Variants in WWOX observed in about 807,000 individuals in gnomAD.
WWOX encodes WW domain-containing oxidoreductase.
A neutral mutation model predicts 46.2 loss-of-function variants in WWOX; 69 were observed. That is an observed-to-expected ratio of 1.49 (90% CI 1.23 to 1.82). WWOX has a LOEUF of 1.82. WWOX is among the 40% of genes most tolerant of loss of function. WWOX has a pLI of 0.00. For synonymous variants in WWOX, 359 were observed against 202.6 expected, an observed-to-expected ratio of 1.77 and a Z score of -6.56; for missense variants, 919 against 542.6, an observed-to-expected ratio of 1.69 and a Z score of -6.89.
intron 8 of WWOX, among the ~76,000 whole-genome samples, chr16:78,679,902 A>T (rs1189662933): frequency 6.6e-6 from 1 of 152,140 alleles, no homozygotes; most frequent in South Asian, 2.1e-4. Context: ...AGCTTCCCAG[A>T]CACTCCGTAA....
chr16:78,774,496 T>TGTGTGTGTGTG (rs2050139676), intron 8 of WWOX, among the ~76,000 whole-genome samples: 10 of 149,412 alleles, frequency 6.7e-5, no homozygotes. Context: ...CAGACCCATT[T>TGTGTGTGTGTG]TGTGTGTGTG....
intron 8 of WWOX, among the ~76,000 whole-genome samples, chr16:78,704,923 T>TG (rs2048300086): frequency 6.6e-6 from 1 of 150,910 alleles, no homozygotes; most frequent in Admixed American, 6.6e-5. Context: ...ACAACTTGTT[T>TG]TTTTTTTTTT....
Position 78,335,556 on chromosome 16 carries a change from C to G in WWOX, c.517-51304C>G, listed in dbSNP as rs529681335. On this transcript the variant is annotated intron_variant, in intron 5 of 8. Transcript: ENST00000566780. ...CATTTGGAGTGATTCCGTGTCCTTG[C>G]TATTGTGAAATACCATTTGACCCAG... 3.3e-5 allele frequency among the ~76,000 whole-genome samples: 5 copies of G among 152,212 alleles called. No homozygotes were observed. In the East Asian group the frequency reaches 9.7e-4, roughly 29 times the overall value.
At chr16:78,562,199 C>T (rs752691745) in intron 8 of WWOX, among the ~76,000 whole-genome samples, 9 of 152,150 alleles carry the variant, frequency 5.9e-5, no homozygotes, top group Non-Finnish European at 1.2e-4. Flanking sequence ...TGGTGGAGTG[C>T]CTTTTGGGCA....
intron 8 of WWOX, among the ~76,000 whole-genome samples, chr16:78,963,400 T>C (rs758490509): frequency 1.6e-4 from 24 of 152,034 alleles, no homozygotes; most frequent in African/African-American, 5.1e-4. Context: ...GTACAGGAGA[T>C]TGAAGCTGCA....
At position 78,894,899 on chromosome 16, in the gene WWOX, A is replaced by T. The variant is rs140374966; in HGVS notation, c.1057-316709A>T. 5.1e-3 allele frequency among the ~76,000 whole-genome samples: 776 copies of T among 152,272 alleles called. 10 individuals are homozygous for T. Among genetic ancestry groups the T allele is most frequent in the African/African-American group, 0.018 (746 of 41,554 alleles). On this transcript the variant is annotated intron_variant, in intron 8 of 8. Transcript: ENST00000566780. ...CATAACTCAGTTCTCGGAATTTTCA[A>T]TCAGAAATTATCTGATGACGGGACT...
At chr16:78,733,454 C>G (rs1165685758) in intron 8 of WWOX, among the ~76,000 whole-genome samples, 1 of 151,728 alleles carries the variant, frequency 6.6e-6, no homozygotes, top group East Asian at 1.9e-4. Flanking sequence ...GACCTTGTCT[C>G]AAAAAATAAC....
At chr16:78,123,926 C>G (rs1387802648) in intron 4 of WWOX, 1 of 152,222 alleles carries the variant, frequency 6.6e-6, no homozygotes, top group East Asian at 1.9e-4. Context: ...TAAGAGGGAT[C>G]ATATTAAACC....
chr16:78,880,500 G>T (rs953593292), intron 8 of WWOX, among the ~76,000 whole-genome samples: 13 of 152,184 alleles, frequency 8.5e-5, no homozygotes, highest in Middle Eastern at 3.2e-3. Context: ...GAAATAATTA[G>T]TCAAGCACTA....
At chr16:78,518,524 A>C (rs1253934649) in intron 8 of WWOX, among the ~76,000 whole-genome samples, 2 of 152,336 alleles carry the variant, frequency 1.3e-5, no homozygotes, top group South Asian at 4.1e-4. Flanking sequence ...CCTGGCCCAT[A>C]AATGTTATCT....
At chr16:79,020,530 C>T (rs1328252250) in intron 8 of WWOX, among the ~76,000 whole-genome samples, 1 of 152,166 alleles carries the variant, frequency 6.6e-6, no homozygotes, top group Non-Finnish European at 1.5e-5. Flanking sequence ...TATGAAAAGA[C>T]AGGCTAGCAC....
intron 8 of WWOX, among the ~76,000 whole-genome samples, chr16:78,894,017 G>A (rs1414096323): frequency 2.3e-5 from 1 of 43,866 alleles, no homozygotes; most frequent in Non-Finnish European, 5.8e-5. Context: ...TTTTATTGAG[G>A]CTTTTATTAT....
At chr16:78,622,623 C>T (rs2046217123) in intron 8 of WWOX, among the ~76,000 whole-genome samples, 1 of 152,100 alleles carries the variant, frequency 6.6e-6, no homozygotes. Context: ...TGATACCCCA[C>T]CTCCTGGTGT....
At chr16:78,485,752 G>A (rs1250430928) in intron 8 of WWOX, among the ~76,000 whole-genome samples, 1 of 152,132 alleles carries the variant, frequency 6.6e-6, no homozygotes, top group Admixed American at 6.5e-5. Context: ...CCGCGGAGCC[G>A]CTTTTCCAAG....
At chr16:78,314,647 C>G (rs959864036) in intron 5 of WWOX, among the ~76,000 whole-genome samples, 3 of 148,722 alleles carry the variant, frequency 2.0e-5, no homozygotes, top group Non-Finnish European at 3.0e-5. Flanking sequence ...GCCTCAGCCC[C>G]CTGAGTAGCT....
chr16:78,793,071 C>A (rs1300540484), intron 8 of WWOX, among the ~76,000 whole-genome samples: 1 of 152,100 alleles, frequency 6.6e-6, no homozygotes, highest in African/African-American at 2.4e-5. Flanking sequence ...ATATCTGTAT[C>A]TATATCTAAT....
At chr16:78,806,375 G>T (rs2051038369) in intron 8 of WWOX, among the ~76,000 whole-genome samples, 1 of 152,064 alleles carries the variant, frequency 6.6e-6, no homozygotes. Flanking sequence ...CAAATTTAGT[G>T]GCTTAAAACA....
intron 8 of WWOX, among the ~76,000 whole-genome samples, chr16:78,655,413 A>G (rs539985087): frequency 3.3e-5 from 5 of 152,368 alleles, no homozygotes; most frequent in Admixed American, 3.3e-4. Flanking sequence ...ACAAGTAATT[A>G]GATCCATAAT....
chr16:78,445,930 A>T (rs539154527), intron 8 of WWOX, among the ~76,000 whole-genome samples: 1 of 151,998 alleles, frequency 6.6e-6, no homozygotes. Context: ...AGCTTTACTT[A>T]CGTTTTTGAT....
Sources: gnomAD v4.1 joint callset for allele counts (sites outside exome capture counted in the v4.1 genomes callset) on GRCh38, gnomAD v4.1.1 for gene constraint, MANE v1.5 for transcripts, NCBI Gene and HGNC (gene_info 2026-07-23, HGNC 2026-07-21) for gene names.